The following STAT2 variants were observed in gnomAD, a reference collection of about 807,000 sequenced individuals.
STAT2 encodes the protein signal transducer and activator of transcription 2.
In STAT2, 51 loss-of-function variants were observed where a neutral mutation model predicts 122.3. The observed-to-expected ratio is 0.42, with a 90% CI of 0.33 to 0.53. The LOEUF is 0.53. Among genes scored for constraint, STAT2 ranks in the 20% least tolerant of loss-of-function variants. The probability of loss-of-function intolerance (pLI) is 0.10; values close to 1 mark genes in which losing one functional copy is unlikely to be tolerated. For missense variants in STAT2, 736 were observed against 1,010.3 expected (o/e 0.73, Z 3.68); for synonymous variants, 351 against 394.9 (o/e 0.89, Z 1.32).
chr12:56,343,791 G>A, intron 23 of STAT2, 34 bp downstream of exon 23: 2 of 1,607,070 alleles, frequency 1.2e-6, no homozygotes, highest in Non-Finnish European at 1.7e-6. Context: ...AAGGGAATGT[G>A]TGCCATCTTC....
chr12:56,351,293 T>G lies in STAT2; in HGVS notation c.940A>C (p.Arg314=). 1.2e-6 allele frequency: 2 copies of G among 1,613,996 alleles called. No individual in the cohort carries two copies. Among genetic ancestry groups the G allele is most frequent in the Non-Finnish European group, 1.7e-6 (2 of 1,179,940 alleles). ...VTELLQRLLH[R]AFVVETQPCM... Reference sequence around the variant, plus strand: ...AGGGTTCCTGCCTGGCCTCTAGACCTGTGGAGCAGACGCTGTAGCAACTCT... The same window carrying G: ...AGGGTTCCTGCCTGGCCTCTAGACCGGTGGAGCAGACGCTGTAGCAACTCT... The change falls in exon 9 of 24, where the codon AGA becomes CGA. Residue 314 remains arginine, a splice_region_variant and synonymous_variant. Transcript: ENST00000314128.
At position 56,342,116 on chromosome 12, in the gene STAT2, G is replaced by C. The variant is rs906341962; in HGVS notation, c.*1273C>G. Reference sequence around the variant, plus strand: ...GTTCGAGACCAGCCTGACCAACATGGAGAAACCCCGTCTCTACTAAAAATA... The same window carrying C: ...GTTCGAGACCAGCCTGACCAACATGCAGAAACCCCGTCTCTACTAAAAATA... On this transcript the variant is annotated 3_prime_UTR_variant, in exon 24 of 24. Coordinates refer to ENST00000314128, the MANE Select transcript of STAT2 (RefSeq NM_005419.4). 1 of 151,510 alleles carries C rather than the reference G, an allele frequency of 6.6e-6. No homozygotes were observed. Among genetic ancestry groups the C allele is most frequent in the Non-Finnish European group, 1.5e-5 (1 of 68,018 alleles). 9.4% of individuals were successfully genotyped at this position (151,510 alleles called of 1,614,324 possible). A position where few individuals can be genotyped will look rare whatever the true frequency, so the allele number is the denominator to read the frequency against.
In STAT2 at chr12:56,341,799, T is replaced by G. The variant is rs1273859670; in HGVS notation, c.*1590A>C. 6.6e-6 allele frequency: 1 copy of G among 152,226 alleles called. No individual in the cohort carries two copies. Among genetic ancestry groups the G allele is most frequent in the Non-Finnish European group, 1.5e-5 (1 of 68,050 alleles). 9.4% of individuals were successfully genotyped at this position (152,226 alleles called of 1,614,324 possible). On this transcript the variant is annotated 3_prime_UTR_variant, in exon 24 of 24. Coordinates refer to ENST00000314128, the MANE Select transcript of STAT2 (RefSeq NM_005419.4). ...CCTGGGAATAGCTAAGGTGTGAGAT[T>G]GTCCAGAGTCCTATGACAGACCTTC...
rs1218355226 is a variant in STAT2 at position 56,349,472 on chromosome 12, C to T, written c.1295G>A (p.Ser432Asn). 6.2e-7 allele frequency: 1 copy of T among 1,614,092 alleles called. No individual in the cohort carries two copies. Among genetic ancestry groups the T allele is most frequent in the Non-Finnish European group, 8.5e-7 (1 of 1,180,052 alleles). ...CTGGTAGGTATATTTGACCGTGAAG[C>T]TGATGATGTGCAGTTCCTCTGTCAC... is the stretch of plus-strand genomic sequence containing the variant. ...LGVTEELHII[S>N]FTVKYTYQGL... The change falls in exon 15 of 24, where the codon AGC becomes AAC. Residue 432 changes from serine to asparagine, a missense_variant. Physicochemically the swap from Ser to Asn is conservative, Grantham distance 46. Transcript: ENST00000314128.
chr12:56,349,320 T>G, intron 15 of STAT2, 59 bp from the exon 16 acceptor site: 1 of 1,614,098 alleles, frequency 6.2e-7, no homozygotes, highest in South Asian at 1.1e-5. Context: ...CAGGTATTTG[T>G]TAGAGGAAAG....
At chr12:56,358,481 G>A (rs778181922) in intron 1 of STAT2, among the ~76,000 whole-genome samples, 1 of 152,070 alleles carries the variant, frequency 6.6e-6, no homozygotes, top group African/African-American at 2.4e-5. Context: ...TCTGACCTCA[G>A]GTGATCTGCC....
rs1404763605 is a variant in STAT2, at chr12:56,346,138, T to C, written c.2102+8A>G. The C allele has an allele frequency of 1.2e-6, 2 of 1,614,026 alleles. No individual in the cohort carries two copies. Among genetic ancestry groups the C allele is most frequent in the Admixed American group, 1.7e-5 (1 of 60,000 alleles). ...TTAGGGAGGATGAATGAAGAGTTCA[T>C]ATCTCACCTATTAGAGACCACAATG... On this transcript the variant is annotated splice_region_variant and intron_variant, in intron 22 of 23. Coordinates refer to ENST00000314128, the MANE Select transcript of STAT2 (RefSeq NM_005419.4).
intron 17 of STAT2, 53 bp downstream of exon 17, chr12:56,348,871 G>A: frequency 2.5e-6 from 4 of 1,614,050 alleles, no homozygotes; most frequent in Non-Finnish European, 3.4e-6. Context: ...ATAGGACAGA[G>A]GGACAGAAAA....
rs1876625276 is a variant in STAT2, at chr12:56,341,775, C to T, written c.*1614G>A. 6.6e-6 allele frequency: 1 copy of T among 152,184 alleles called. No individual in the cohort carries two copies. The highest frequency in any genetic ancestry group is 2.4e-5 in the African/African-American group (1 of 41,442). The allele number at this position is 152,184 out of a possible 1,614,324, so 9.4% of individuals were successfully genotyped here. A position where few individuals can be genotyped will look rare whatever the true frequency, so the allele number is the denominator to read the frequency against. ...AATGTCAGTTGCCCCCTGGGGTTCC[C>T]TGGGAATAGCTAAGGTGTGAGATTG... On this transcript the variant is annotated 3_prime_UTR_variant, in exon 24 of 24. Coordinates refer to ENST00000314128, the MANE Select transcript of STAT2 (RefSeq NM_005419.4).
rs749326354 is a variant in STAT2, at chr12:56,346,961, G to A, written c.1725-6C>T. On this transcript the variant is annotated splice_region_variant and splice_polypyrimidine_tract_variant and intron_variant, in intron 19 of 23. Coordinates refer to ENST00000314128, the MANE Select transcript of STAT2 (RefSeq NM_005419.4). ...TCACAAAGCCCATGATGCGTCTGGA[G>A]CACAGAGAGCAGCTGTGAGACACCG... 4 of 1,614,046 alleles carry A rather than the reference G, an allele frequency of 2.5e-6. No homozygotes were observed. Among genetic ancestry groups the A allele is most frequent in the Admixed American group, 1.7e-5 (1 of 60,006 alleles).
At position 56,343,807 on chromosome 12, in the gene STAT2, C is replaced by T; in HGVS notation, c.2413+18G>A. ...AGGGAATGTGTGCCATCTTCCATAG[C>T]TCCATCTCATCACTTACTTTCCATT... On this transcript the variant is annotated intron_variant, in intron 23 of 23. Transcript: ENST00000314128. The T allele has an allele frequency of 1.2e-6, 2 of 1,612,892 alleles. No individual in the cohort carries two copies. The highest frequency in any genetic ancestry group is 1.7e-6 in the Non-Finnish European group (2 of 1,178,962).
intron 1 of STAT2, among the ~76,000 whole-genome samples, chr12:56,358,906 C>G (rs1464887097): frequency 6.6e-6 from 1 of 152,160 alleles, no homozygotes; most frequent in Non-Finnish European, 1.5e-5. Context: ...AAAAGAACAA[C>G]AAATTGGTTT....
chr12:56,351,245 T>C lies in STAT2; in HGVS notation c.941+47A>G, dbSNP rs560127156. 48 of 1,611,462 alleles carry C rather than the reference T, an allele frequency of 3.0e-5. No homozygotes were observed. In the East Asian group the frequency reaches 1.0e-3, roughly 35 times the overall value. The stretch of plus-strand genomic sequence containing the variant: ...ATAGCTCAGTATCTGTAAGAATGGC[T>C]TCCCTTGTTCCTTCTTTCCCCCAGG... On this transcript the variant is annotated intron_variant, in intron 9 of 23. Coordinates refer to ENST00000314128, the MANE Select transcript of STAT2 (RefSeq NM_005419.4).
chr12:56,347,307 CA>C (rs1378641094), intron 19 of STAT2, among the ~76,000 whole-genome samples: 1 of 151,968 alleles, frequency 6.6e-6, no homozygotes, highest in East Asian at 1.9e-4. Flanking sequence ...TCCCACCTCT[CA>C]GCCTCCAGAG....
At chr12:56,346,361 T>C (rs112833166) in intron 21 of STAT2, 81 bp downstream of exon 21, 5 of 1,577,582 alleles carry the variant, frequency 3.2e-6, no homozygotes, top group Admixed American at 1.7e-5. Flanking sequence ...AGTTTTCCCA[T>C]GCTTTAAAGG....
chr12:56,345,721 G>A (rs1464263108), intron 22 of STAT2, among the ~76,000 whole-genome samples: 3 of 143,294 alleles, frequency 2.1e-5, no homozygotes, highest in East Asian at 2.1e-4. Context: ...TCAGGAGGTC[G>A]AGGCTGCAGT....
rs1205806349 is a variant in STAT2, at chr12:56,341,964, C to T, written c.*1425G>A. ...GAGAAAGAGCTAAGACCCATTGCTT[C>T]TCCTCTGTAAAAACACCAAACTTTA... On this transcript the variant is annotated 3_prime_UTR_variant, in exon 24 of 24. Transcript: ENST00000314128. 6.6e-6 allele frequency: 1 copy of T among 152,194 alleles called. No homozygotes were observed. The highest frequency in any genetic ancestry group is 6.5e-5 in the Admixed American group (1 of 15,274). 9.4% of individuals were successfully genotyped at this position (152,194 alleles called of 1,614,324 possible). A position where few individuals can be genotyped will look rare whatever the true frequency, so the allele number is the denominator to read the frequency against.
intron 6 of STAT2, 26 bp from the exon 7 acceptor site, chr12:56,354,889 C>G (rs1411012259): frequency 6.2e-7 from 1 of 1,608,290 alleles, no homozygotes; most frequent in Non-Finnish European, 8.5e-7. Flanking sequence ...AGGAGTCAGT[C>G]CAGGGGTTCT....
chr12:56,346,054 C>T (rs1877398747), intron 22 of STAT2, 92 bp downstream of exon 22: 15 of 1,605,746 alleles, frequency 9.3e-6, no homozygotes, highest in East Asian at 2.2e-5. Context: ...TCCTGGTGCT[C>T]CACCCAGGAG....
Sources: gnomAD v4.1 joint callset for allele counts (sites outside exome capture counted in the v4.1 genomes callset) on GRCh38, gnomAD v4.1.1 for gene constraint, MANE v1.5 for transcripts, NCBI Gene and HGNC (gene_info 2026-07-23, HGNC 2026-07-21) for gene names.